MYO1E: variants seen among roughly 807,000 people sequenced by gnomAD.
MYO1E encodes the protein myosin IE.
In MYO1E, 68 loss-of-function variants were observed where a neutral mutation model predicts 151.1. The observed-to-expected ratio is 0.45, with a 90% CI of 0.37 to 0.55. The LOEUF is 0.55. MYO1E is among the 20% of genes least tolerant of loss of function. MYO1E has a pLI of 0.00. For synonymous variants in MYO1E, 601 were observed against 501.7 expected, an observed-to-expected ratio of 1.20 and a Z score of -2.64; for missense variants, 1,363 against 1,389.3, an observed-to-expected ratio of 0.98 and a Z score of 0.30.
chr15:59,372,846 A>G lies in MYO1E; in HGVS notation c.-346T>C, dbSNP rs2080957212. ...CTCACTCCTCTTTCTTCGGCCACTTAATCCGTACTCCTCTGGCTGAGTCTC... is the reference window on the plus strand; with the variant it reads ...CTCACTCCTCTTTCTTCGGCCACTTGATCCGTACTCCTCTGGCTGAGTCTC... On this transcript the variant is annotated 5_prime_UTR_variant, in exon 1 of 28. Transcript: ENST00000288235. 4.8e-6 allele frequency: 2 copies of G among 416,790 alleles called. No individual in the cohort carries two copies. The highest frequency in any genetic ancestry group is 6.6e-5 in the South Asian group (2 of 30,350). 25.8% of individuals were successfully genotyped at this position (416,790 alleles called of 1,614,324 possible). A position where few individuals can be genotyped will look rare whatever the true frequency, so the allele number is the denominator to read the frequency against.
At chr15:59,252,239 AC>A (rs1296338423) in intron 4 of MYO1E, among the ~76,000 whole-genome samples, 1 of 152,152 alleles carries the variant, frequency 6.6e-6, no homozygotes, top group Admixed American at 6.5e-5. Flanking sequence ...GGCAGTGAGC[AC>A]TCTTGGTGTC....
chr15:59,185,233 G>A (rs1028053510), intron 18 of MYO1E, among the ~76,000 whole-genome samples: 5 of 151,982 alleles, frequency 3.3e-5, no homozygotes, highest in African/African-American at 4.8e-5. Context: ...CATTTTGTGG[G>A]TTGTCTCTTC....
chr15:59,197,432 CT>C (rs2079774708), intron 16 of MYO1E, among the ~76,000 whole-genome samples: 1 of 152,222 alleles, frequency 6.6e-6, no homozygotes, highest in Admixed American at 6.5e-5. Context: ...TGCCATAGTC[CT>C]CTCCAGCTAA....
At chr15:59,152,207 C>A (rs563034899) in intron 26 of MYO1E, among the ~76,000 whole-genome samples, 1 of 152,188 alleles carries the variant, frequency 6.6e-6, no homozygotes, top group Non-Finnish European at 1.5e-5. Context: ...GCCTGGGCAA[C>A]AGAGCGAGAC....
intron 1 of MYO1E, among the ~76,000 whole-genome samples, chr15:59,299,673 T>C (rs2080470905): frequency 6.6e-6 from 1 of 152,196 alleles, no homozygotes. Context: ...AAGTGTGAAA[T>C]ATTACCCCTG....
intron 1 of MYO1E, among the ~76,000 whole-genome samples, chr15:59,360,539 C>A (rs1394425595): frequency 6.6e-6 from 1 of 152,174 alleles, no homozygotes; most frequent in African/African-American, 2.4e-5. Context: ...TCATTGCTCT[C>A]TAACTTTGGA....
At chr15:59,370,331 C>T (rs2080937576) in intron 1 of MYO1E, among the ~76,000 whole-genome samples, 1 of 152,220 alleles carries the variant, frequency 6.6e-6, no homozygotes, top group Non-Finnish European at 1.5e-5. Context: ...AGATGATGCT[C>T]TATTCTAAGG....
intron 2 of MYO1E, chr15:59,270,775 T>C (rs1448776862): frequency 4.6e-5 from 7 of 151,876 alleles, no homozygotes; most frequent in Admixed American, 4.6e-4. Context: ...AGTTACAAGT[T>C]ATGCCTTGTA....
At chr15:59,168,071 C>T (rs2079572121) in intron 22 of MYO1E, among the ~76,000 whole-genome samples, 1 of 152,046 alleles carries the variant, frequency 6.6e-6, no homozygotes, top group Admixed American at 6.6e-5. Context: ...AGCTATTGGC[C>T]CTATTTCTAC....
At chr15:59,144,574 T>G (rs2079429714) in intron 26 of MYO1E, among the ~76,000 whole-genome samples, 1 of 151,200 alleles carries the variant, frequency 6.6e-6, no homozygotes, top group African/African-American at 2.4e-5. Context: ...GGATTACAGG[T>G]GTAAGCCACC....
At chr15:59,221,522 C>A (rs1225932120) in intron 9 of MYO1E, among the ~76,000 whole-genome samples, 1 of 152,112 alleles carries the variant, frequency 6.6e-6, no homozygotes. Flanking sequence ...TCACTGCATA[C>A]CCCCTCAAGC....
At chr15:59,336,658 T>G (rs1407431535) in intron 1 of MYO1E, among the ~76,000 whole-genome samples, 2 of 152,140 alleles carry the variant, frequency 1.3e-5, no homozygotes, top group Non-Finnish European at 2.9e-5. Context: ...CGTGCGGGTT[T>G]GTTACATAGG....
At chr15:59,307,080 G>A (rs2080519050) in intron 1 of MYO1E, among the ~76,000 whole-genome samples, 1 of 152,186 alleles carries the variant, frequency 6.6e-6, no homozygotes, top group African/African-American at 2.4e-5. Context: ...GGAAAATGAA[G>A]GAGAGCACCA....
At chr15:59,342,453 A>C (rs1365355176) in intron 1 of MYO1E, among the ~76,000 whole-genome samples, 3 of 152,172 alleles carry the variant, frequency 2.0e-5, no homozygotes, top group Non-Finnish European at 4.4e-5. Context: ...GTTTTCTTTT[A>C]GTAGTTTCAT....
intron 1 of MYO1E, among the ~76,000 whole-genome samples, chr15:59,338,343 C>T (rs183157665): frequency 2.1e-5 from 3 of 144,414 alleles, no homozygotes; most frequent in East Asian, 2.1e-4. Context: ...GCACATAGTA[C>T]GTTCCTGACT....
At chr15:59,249,083 G>A (rs2080148302) in intron 4 of MYO1E, among the ~76,000 whole-genome samples, 2 of 152,162 alleles carry the variant, frequency 1.3e-5, no homozygotes, top group South Asian at 4.1e-4. Flanking sequence ...ATGGAGCCCT[G>A]TGCTTGAGAA....
intron 26 of MYO1E, among the ~76,000 whole-genome samples, chr15:59,148,955 G>C (rs1198923398): frequency 6.6e-6 from 1 of 151,216 alleles, no homozygotes; most frequent in Non-Finnish European, 1.5e-5. Flanking sequence ...ACTGCAGGTA[G>C]ATTAGGTACA....
chr15:59,372,390 C>G, intron 1 of MYO1E, 108 bp downstream of exon 1: 2 of 1,384,008 alleles, frequency 1.4e-6, no homozygotes, highest in East Asian at 2.5e-5. Context: ...CCGCGTCCAC[C>G]TTCTCCACCC....
At position 59,137,374 on chromosome 15, in the gene MYO1E, G is replaced by T; in HGVS notation, c.*6C>A. The T allele has an allele frequency of 6.2e-7, 1 of 1,613,908 alleles. No homozygotes were observed. On this transcript the variant is annotated 3_prime_UTR_variant, in exon 28 of 28. Coordinates refer to ENST00000288235, the MANE Select transcript of MYO1E (RefSeq NM_004998.4). ...CTCTGCCCCATGTGTCAGAGTCACG[G>T]GCACCTCAGATCTTGGTCACATAGT...
Sources: allele counts gnomAD v4.1 joint callset (sites outside exome capture counted in the v4.1 genomes callset), GRCh38; gene constraint gnomAD v4.1.1; transcripts MANE v1.5; gene names NCBI Gene and HGNC (gene_info 2026-07-23, HGNC 2026-07-21).